SHANK2: variants seen among roughly 807,000 people sequenced by gnomAD.
SHANK2 encodes the protein SH3 and multiple ankyrin repeat domains protein 2.
Under a neutral mutation model 133.7 loss-of-function variants are expected in SHANK2, and 43 were observed. That is an observed-to-expected ratio of 0.32 (90% CI 0.25 to 0.41). The LOEUF (loss-of-function observed/expected upper bound fraction) is 0.41, where lower values mean the gene tolerates loss of function less well. SHANK2 is among the 10% of genes least tolerant of loss of function. The probability of loss-of-function intolerance (pLI) is 1.00; values close to 1 mark genes in which losing one functional copy is unlikely to be tolerated. For synonymous variants in SHANK2, 1,017 were observed against 952.8 expected (o/e 1.07, Z -1.24); for missense variants, 1,994 against 2,235.8 (o/e 0.89, Z 2.18).
intron 25 of SHANK2, chr11:70,475,222 G>C (rs187307461): frequency 1.3e-5 from 2 of 152,206 alleles, no homozygotes; most frequent in Non-Finnish European, 2.9e-5. Flanking sequence ...CTGGTGGGCC[G>C]TGAGGACTCC....
chr11:70,640,231 CT>C (rs1555005841), intron 17 of SHANK2, among the ~76,000 whole-genome samples: 2 of 152,196 alleles, frequency 1.3e-5, no homozygotes, highest in African/African-American at 4.8e-5. Context: ...GAAGATTATC[CT>C]GGATTACCTG....
chr11:70,948,401 G>A, intron 10 of SHANK2: 1 of 456,902 alleles, frequency 2.2e-6, no homozygotes, highest in South Asian at 1.5e-5. Context: ...ATATGTACTG[G>A]TGGAAATAAT....
chr11:70,848,987 C>T (rs148826593), intron 11 of SHANK2, among the ~76,000 whole-genome samples: 4 of 152,204 alleles, frequency 2.6e-5, no homozygotes, highest in African/African-American at 4.8e-5. Context: ...CTTGATGCTG[C>T]GTGAATGAGT....
At chr11:71,096,347 C>T (rs1180907851) in intron 6 of SHANK2, among the ~76,000 whole-genome samples, 1 of 152,174 alleles carries the variant, frequency 6.6e-6, no homozygotes, top group East Asian at 1.9e-4. Flanking sequence ...GGATTGAGAC[C>T]AGTTGGAACA....
chr11:71,179,531 C>T (rs907448403), intron 2 of SHANK2, among the ~76,000 whole-genome samples: 3 of 152,180 alleles, frequency 2.0e-5, no homozygotes, highest in African/African-American at 4.8e-5. Context: ...TGAGAACTTC[C>T]TCCCTAAGAT....
intron 6 of SHANK2, among the ~76,000 whole-genome samples, chr11:71,108,582 C>A (rs1196768385): frequency 1.3e-5 from 2 of 152,210 alleles, no homozygotes; most frequent in Non-Finnish European, 2.9e-5. Context: ...TGAGACTGCC[C>A]AGACCTCCAG....
At chr11:70,940,310 G>A (rs782810791) in intron 10 of SHANK2, among the ~76,000 whole-genome samples, 9 of 133,678 alleles carry the variant, frequency 6.7e-5, no homozygotes, top group Non-Finnish European at 9.5e-5. Flanking sequence ...GCAGTGGCGC[G>A]ATCTCGGCTT....
intron 17 of SHANK2, among the ~76,000 whole-genome samples, chr11:70,591,538 A>C (rs2060320885): frequency 3.9e-5 from 5 of 126,982 alleles, no homozygotes; most frequent in Admixed American, 3.7e-4. Flanking sequence ...TGCTTTTCTT[A>C]AAAAAGAAAA....
rs143615162 is a variant in SHANK2 at position 71,096,089 on chromosome 11, C to T, written c.593-1401G>A. Reference sequence around the variant, plus strand: ...TGTCTTCCCCAACTAGGATGCCGTGCGTAGACATGCCAGCATCTTCATTCA... The same window carrying T: ...TGTCTTCCCCAACTAGGATGCCGTGTGTAGACATGCCAGCATCTTCATTCA... On this transcript the variant is annotated intron_variant, in intron 6 of 25. Coordinates refer to ENST00000601538, the MANE Select transcript of SHANK2 (RefSeq NM_012309.5). Among the ~76,000 whole-genome samples, 999 of 113,890 alleles carry T rather than the reference C, an allele frequency of 8.8e-3. 14 individuals carry two copies. Among genetic ancestry groups the T allele is most frequent in the African/African-American group, 0.033 (949 of 28,672 alleles). The allele number at this position is 113,890 out of a possible 152,430, so 74.7% of individuals were successfully genotyped here.
chr11:70,500,684 AGCAGGCTGGGCCGGCAATGGGGCGGCAG>A lies in SHANK2; in HGVS notation c.2288-122_2288-95del. ...CCTTGTCAGCTCAGGGCGCCTCAGG[AGCAGGCTGGGCCGGCAATGGGGCGGCAG>A]GCAGGGGCTGTCTGGAACGCTGCGA... On this transcript the variant is annotated intron_variant, in intron 20 of 25. Coordinates refer to ENST00000601538, the MANE Select transcript of SHANK2 (RefSeq NM_012309.5). The surrounding 1 kb of genome is among the most constrained non-coding windows in gnomAD (Gnocchi z 4.5). 1 of 1,532,482 alleles carries A rather than the reference AGCAGGCTGGGCCGGCAATGGGGCGGCAG, an allele frequency of 6.5e-7. No homozygotes were observed. The highest frequency in any genetic ancestry group is 8.9e-7 in the Non-Finnish European group (1 of 1,128,392). 94.9% of individuals were successfully genotyped at this position (1,532,482 alleles called of 1,614,324 possible). A position where few individuals can be genotyped will look rare whatever the true frequency, so the allele number is the denominator to read the frequency against.
At chr11:71,094,876 G>T (rs782077698) in intron 6 of SHANK2, among the ~76,000 whole-genome samples, 188 bp from the exon 7 acceptor site, 2 of 152,234 alleles carry the variant, frequency 1.3e-5, no homozygotes, top group African/African-American at 2.4e-5. Flanking sequence ...ACCCCCGTGC[G>T]ATGCAGTGAC....
intron 7 of SHANK2, among the ~76,000 whole-genome samples, chr11:71,093,059 G>GT (rs1233458494): frequency 1.4e-4 from 20 of 143,174 alleles, no homozygotes; most frequent in Admixed American, 2.1e-4. Flanking sequence ...AAAGGGGGGG[G>GT]GGGGCAGGTA....
At chr11:70,952,771 A>G in intron 10 of SHANK2, 1 of 323,370 alleles carries the variant, frequency 3.1e-6, no homozygotes, top group Non-Finnish European at 6.4e-6. Context: ...TGAGCAGCAG[A>G]AGTGTGGGAA....
chr11:70,540,712 A>G (rs533648985), intron 17 of SHANK2, among the ~76,000 whole-genome samples: 8 of 152,186 alleles, frequency 5.3e-5, no homozygotes, highest in South Asian at 4.2e-4. Flanking sequence ...CATCTCTACT[A>G]AAAATACAAA....
chr11:71,235,051 G>C (rs555107762), intron 1 of SHANK2, among the ~76,000 whole-genome samples: 1 of 152,220 alleles, frequency 6.6e-6, no homozygotes, highest in South Asian at 2.1e-4. Context: ...ATCCTCTGTG[G>C]GATAAGAAAT....
intron 17 of SHANK2, among the ~76,000 whole-genome samples, chr11:70,644,616 G>T (rs2061235567): frequency 6.6e-6 from 1 of 152,196 alleles, no homozygotes; most frequent in South Asian, 2.1e-4. Context: ...CAAGAGGGAG[G>T]TTGATCTTGG....
intron 10 of SHANK2, among the ~76,000 whole-genome samples, chr11:70,900,130 C>A (rs549467038): frequency 6.6e-6 from 1 of 152,038 alleles, no homozygotes; most frequent in Non-Finnish European, 1.5e-5. Context: ...CTGAGGCAGG[C>A]GGATCACTAG....
intron 1 of SHANK2, among the ~76,000 whole-genome samples, chr11:71,246,271 C>T (rs1444059768): frequency 6.6e-6 from 1 of 152,148 alleles, no homozygotes; most frequent in Non-Finnish European, 1.5e-5. Context: ...AGGGAGCAGA[C>T]TGCCAGCTGT....
chr11:71,248,592 C>T (rs552769205), intron 1 of SHANK2, among the ~76,000 whole-genome samples: 10 of 152,258 alleles, frequency 6.6e-5, no homozygotes, highest in African/African-American at 2.2e-4. Flanking sequence ...GAATAAATAG[C>T]AAGAGTGTGG....
Sources: allele counts gnomAD v4.1 joint callset (sites outside exome capture counted in the v4.1 genomes callset), GRCh38; gene constraint gnomAD v4.1.1; non-coding constraint Gnocchi (gnomAD v3.1); transcripts MANE v1.5; gene names NCBI Gene and HGNC (gene_info 2026-07-23, HGNC 2026-07-21).